ZNF709: variants seen among roughly 807,000 people sequenced by gnomAD.
The protein encoded by ZNF709 is zinc finger protein 709.
In ZNF709, 15 loss-of-function variants were observed where a neutral mutation model predicts 10.6. The observed-to-expected ratio is 1.41, with a 90% CI of 0.95 to 2.18. The LOEUF is 2.18. Among genes scored for constraint, ZNF709 ranks in the 30% most tolerant of loss-of-function variants. The pLI, the probability that ZNF709 is intolerant of heterozygous loss-of-function variation, is 0.00. For missense variants in ZNF709, 589 were observed against 774.0 expected (o/e 0.76, Z 2.84); for synonymous variants, 194 against 238.8 (o/e 0.81, Z 1.73).
chr19:12,484,491 A>G (rs1970760806), intron 1 of ZNF709, among the ~76,000 whole-genome samples, 164 bp downstream of exon 1: 1 of 151,912 alleles, frequency 6.6e-6, no homozygotes, highest in African/African-American at 2.4e-5. Flanking sequence ...GCCCAGCCCC[A>G]TCCTGCGGCC....
chr19:12,470,048 A>G (rs1220897915), intron 1 of ZNF709, among the ~76,000 whole-genome samples: 3 of 152,196 alleles, frequency 2.0e-5, no homozygotes, highest in African/African-American at 7.2e-5. Flanking sequence ...AGGATATGAA[A>G]TTCCCTTTCT....
chr19:12,481,372 T>C (rs1209069170), intron 1 of ZNF709, among the ~76,000 whole-genome samples: 1 of 152,094 alleles, frequency 6.6e-6, no homozygotes, highest in Non-Finnish European at 1.5e-5. Context: ...TAGCTGGGAT[T>C]ACAGCCACCC....
At chr19:12,484,596 C>G (rs1970762504) in intron 1 of ZNF709, 59 bp downstream of exon 1, 2 of 1,602,154 alleles carry the variant, frequency 1.2e-6, no homozygotes, top group Non-Finnish European at 1.7e-6. Context: ...CAGCCAGATC[C>G]GGCCGGTTTC....
rs1970560011 is a variant in ZNF709, at chr19:12,465,369, T to C, written c.553A>G (p.Ile185Val). The change falls in exon 4 of 4, where the codon ATA becomes GTA. Residue 185 changes from isoleucine to valine, a missense_variant. Transcript: ENST00000397732. ...TCTCCAGTATGAGTTCTTTCATGTATTTGAAAGGAACTGGGCCAACTGAAA... is the reference window on the plus strand; with the variant it reads ...TCTCCAGTATGAGTTCTTTCATGTACTTGAAAGGAACTGGGCCAACTGAAA... Reference protein sequence around the residue: ...KAFSWPSSFQIHERTHTGEKP... With the variant: ...KAFSWPSSFQVHERTHTGEKP... 3 of 1,613,612 alleles carry C rather than the reference T, an allele frequency of 1.9e-6. No individual in the cohort carries two copies. The highest frequency in any genetic ancestry group is 2.7e-5 in the African/African-American group (2 of 74,888).
At chr19:12,483,901 A>G (rs1402012200) in intron 1 of ZNF709, among the ~76,000 whole-genome samples, 1 of 152,086 alleles carries the variant, frequency 6.6e-6, no homozygotes, top group African/African-American at 2.4e-5. Context: ...ACTCAACCCA[A>G]AGGAGTTCCC....
chr19:12,475,474 T>C (rs951185103), intron 1 of ZNF709, among the ~76,000 whole-genome samples: 1 of 151,900 alleles, frequency 6.6e-6, no homozygotes, highest in Non-Finnish European at 1.5e-5. Flanking sequence ...ATATCACAAA[T>C]GTAAGTGGGA....
intron 1 of ZNF709, among the ~76,000 whole-genome samples, chr19:12,482,152 CACAA>C (rs57631164): frequency 0.066 from 9,054 of 138,016 alleles, 465 homozygotes; most frequent in East Asian, 0.086. Context: ...CACACACACA[CACAA>C]ACACACACAC....
At position 12,462,307 on chromosome 19, in the gene ZNF709, A is replaced by G. The variant is rs1394616062; in HGVS notation, c.*1689T>C. 1 of 152,200 alleles carries G rather than the reference A, an allele frequency of 6.6e-6. No individual in the cohort carries two copies. Among genetic ancestry groups the G allele is most frequent in the Non-Finnish European group, 1.5e-5 (1 of 68,054 alleles). The allele number at this position is 152,200 out of a possible 1,614,324, so 9.4% of individuals were successfully genotyped here. On this transcript the variant is annotated 3_prime_UTR_variant, in exon 4 of 4. Transcript: ENST00000397732. Reference sequence around the variant, plus strand: ...AATGCTTTCTTCACTTCTGCCTTCCATATCTCCTGCAAGTAGGCTATTGGT... The same window carrying G: ...AATGCTTTCTTCACTTCTGCCTTCCGTATCTCCTGCAAGTAGGCTATTGGT...
intron 1 of ZNF709, among the ~76,000 whole-genome samples, chr19:12,482,321 T>C (rs1970736409): frequency 6.6e-6 from 1 of 152,092 alleles, no homozygotes; most frequent in South Asian, 2.1e-4. Context: ...GCCCACATTC[T>C]TGCTGTTGGG....
intron 1 of ZNF709, 133 bp from the exon 2 acceptor site, chr19:12,466,983 C>G (rs558566672): frequency 3.1e-6 from 4 of 1,295,362 alleles, no homozygotes; most frequent in Non-Finnish European, 4.2e-6. Flanking sequence ...CTCAAATCTT[C>G]GTCCACACTT....
chr19:12,482,663 A>G (rs1055894133), intron 1 of ZNF709, among the ~76,000 whole-genome samples: 1 of 152,122 alleles, frequency 6.6e-6, no homozygotes, highest in African/African-American at 2.4e-5. Context: ...GGAAACCACA[A>G]TTATGCCCTC....
rs1364637653 is a variant in ZNF709 at position 12,464,382 on chromosome 19, T to C, written c.1540A>G (p.Ser514Gly). 11 of 1,613,436 alleles carry C rather than the reference T, an allele frequency of 6.8e-6. No homozygotes were observed. Among genetic ancestry groups the C allele is most frequent in the Non-Finnish European group, 9.3e-6 (11 of 1,179,670 alleles). ...TGCATTCGAAAGGAACTGGAACAACTGAAGGCTTTACCACATTGTTTACAT... is the reference window on the plus strand; with the variant it reads ...TGCATTCGAAAGGAACTGGAACAACCGAAGGCTTTACCACATTGTTTACAT... Reference protein sequence around the residue: ...YECKQCGKAFSCSSSFRMHER... With the variant: ...YECKQCGKAFGCSSSFRMHER... Residue 514 changes from serine to glycine, a missense_variant, in exon 4 of 4, where the codon AGT becomes GGT. Transcript: ENST00000397732.
chr19:12,473,663 T>A (rs985418823), intron 1 of ZNF709, among the ~76,000 whole-genome samples: 3 of 152,226 alleles, frequency 2.0e-5, no homozygotes, highest in African/African-American at 7.2e-5. Flanking sequence ...ATAGACATAT[T>A]CATCACAAAA....
chr19:12,470,613 G>A (rs192316724), intron 1 of ZNF709, among the ~76,000 whole-genome samples: 25 of 152,144 alleles, frequency 1.6e-4, no homozygotes, highest in Admixed American at 5.9e-4. Context: ...GAGGGACCCC[G>A]CCAACCTAAG....
chr19:12,481,811 G>A (rs1283653585), intron 1 of ZNF709, among the ~76,000 whole-genome samples: 3 of 151,538 alleles, frequency 2.0e-5, no homozygotes, highest in African/African-American at 4.8e-5. Context: ...GGAAGCTGAG[G>A]TGGGAGGATC....
chr19:12,480,682 C>CA (rs373494664), intron 1 of ZNF709, among the ~76,000 whole-genome samples: 52,761 of 125,362 alleles, frequency 0.42, 11,044 homozygotes, highest in Non-Finnish European at 0.51. Flanking sequence ...GACTCCGTCT[C>CA]AAAAAAAAAA....
intron 1 of ZNF709, among the ~76,000 whole-genome samples, chr19:12,470,045 G>T (rs746779816): frequency 1.3e-5 from 2 of 152,184 alleles, no homozygotes; most frequent in African/African-American, 2.4e-5. Flanking sequence ...AAAAGGATAT[G>T]AAATTCCCTT....
At chr19:12,477,287 A>G (rs1053380978) in intron 1 of ZNF709, among the ~76,000 whole-genome samples, 1 of 152,174 alleles carries the variant, frequency 6.6e-6, no homozygotes, top group African/African-American at 2.4e-5. Flanking sequence ...TCAACCCTTC[A>G]AGGCCCTGTT....
At position 12,465,181 on chromosome 19, in the gene ZNF709, AGAGT is replaced by A; in HGVS notation, c.737_740del (p.His246LeufsTer109). 6.2e-7 allele frequency: 1 copy of A among 1,614,036 alleles called. No individual in the cohort carries two copies. The highest frequency in any genetic ancestry group is 8.5e-7 in the Non-Finnish European group (1 of 1,179,990). On this transcript the variant is annotated frameshift_variant, in exon 4 of 4. Coordinates refer to ENST00000397732, the MANE Select transcript of ZNF709 (RefSeq NM_152601.4). LOFTEE classifies it low-confidence loss of function (END_TRUNC). ...GTTTACATTCATAGGGTTTCTCTCC[AGAGT>A]GAGTTCTTTCATGATTTCGAAAAGA...
Sources: allele counts gnomAD v4.1 joint callset (sites outside exome capture counted in the v4.1 genomes callset), GRCh38; gene constraint gnomAD v4.1.1; transcripts MANE v1.5; gene names NCBI Gene and HGNC (gene_info 2026-07-23, HGNC 2026-07-21).